RSU1: variants seen among roughly 807,000 people sequenced by gnomAD.
The protein encoded by RSU1 is rsu-1.
A neutral mutation model predicts 31.1 loss-of-function variants in RSU1; 26 were observed. That is an observed-to-expected ratio of 0.84 (90% CI 0.61 to 1.16). The LOEUF (loss-of-function observed/expected upper bound fraction) is 1.16. Ranked by LOEUF, RSU1 falls within the 50% of genes most tolerant of loss-of-function variation. The pLI is 0.00. For synonymous variants in RSU1, 164 were observed against 136.3 expected (o/e 1.20, Z -1.41); for missense variants, 320 against 339.1 (o/e 0.94, Z 0.44).
In RSU1 at chr10:16,757,012, TGGTGTGTGTGTACGC is replaced by T. The variant is rs1419321412; in HGVS notation, c.282-2038_282-2024del. On this transcript the variant is annotated intron_variant, in intron 4 of 8. Transcript: ENST00000345264. ...GTATAGGGTGTGTTTGGGGGTGTGG[TGGTGTGTGTGTACGC>T]AGTGTGTGTGTGGTGTGTGTGTGGG... Among the ~76,000 whole-genome samples, 51 of 146,206 alleles carry T rather than the reference TGGTGTGTGTGTACGC, an allele frequency of 3.5e-4. 3 individuals are homozygous for T. The highest frequency in any genetic ancestry group is 3.3e-4 in the Non-Finnish European group (22 of 66,152).
intron 4 of RSU1, among the ~76,000 whole-genome samples, chr10:16,757,241 A>AT (rs1011877760): frequency 2.6e-5 from 4 of 152,036 alleles, no homozygotes; most frequent in African/African-American, 9.7e-5. Flanking sequence ...TTAAAAGCCA[A>AT]TTTTTAAAAA....
At chr10:16,613,279 C>T (rs998451552) in intron 8 of RSU1, among the ~76,000 whole-genome samples, 42 of 152,188 alleles carry the variant, frequency 2.8e-4, no homozygotes, top group East Asian at 1.5e-3. Context: ...GTGGAATTTC[C>T]ATATGTCTCT....
intron 8 of RSU1, among the ~76,000 whole-genome samples, chr10:16,684,636 A>AAACC (rs1236965929): frequency 1.3e-5 from 2 of 152,118 alleles, no homozygotes; most frequent in African/African-American, 4.8e-5. Flanking sequence ...CCCTCAGAAA[A>AAACC]AACCAATCCT....
At chr10:16,813,227 G>A (rs1838447279) in intron 2 of RSU1, among the ~76,000 whole-genome samples, 1 of 152,148 alleles carries the variant, frequency 6.6e-6, no homozygotes, top group Non-Finnish European at 1.5e-5. Context: ...TACATGCCAT[G>A]TTAAAACAAA....
At chr10:16,615,115 G>T (rs1055171330) in intron 8 of RSU1, among the ~76,000 whole-genome samples, 1 of 151,902 alleles carries the variant, frequency 6.6e-6, no homozygotes, top group Non-Finnish European at 1.5e-5. Context: ...AAGACCCATT[G>T]GTGTGCTGTA....
At chr10:16,750,769 G>A (rs1179567784) in intron 7 of RSU1, among the ~76,000 whole-genome samples, 1 of 152,066 alleles carries the variant, frequency 6.6e-6, no homozygotes. Context: ...GATTTAGTAG[G>A]TTGGGGAGGG....
At chr10:16,755,622 A>G (rs1400989354) in intron 4 of RSU1, among the ~76,000 whole-genome samples, 2 of 151,454 alleles carry the variant, frequency 1.3e-5, no homozygotes, top group Admixed American at 1.3e-4. Context: ...CTTAAAATTC[A>G]CTCTCTTAGC....
At chr10:16,674,778 T>C (rs547161232) in intron 8 of RSU1, among the ~76,000 whole-genome samples, 115 of 152,274 alleles carry the variant, frequency 7.6e-4, no homozygotes, top group African/African-American at 2.7e-3. Context: ...GAAGCTGTAA[T>C]CCCAGCACTG....
At chr10:16,649,945 T>C (rs776377756) in intron 8 of RSU1, among the ~76,000 whole-genome samples, 60 of 152,322 alleles carry the variant, frequency 3.9e-4, no homozygotes, top group East Asian at 1.9e-4. Context: ...AAACACATCT[T>C]GCCATCTAAA....
Position 16,765,620 on chromosome 10 carries a change from C to G in RSU1, c.161-1110G>C, listed in dbSNP as rs1017628466. On this transcript the variant is annotated intron_variant, in intron 3 of 8. Coordinates refer to ENST00000345264, the MANE Select transcript of RSU1 (RefSeq NM_012425.4). ...GGAGTTTCCATAGACTGTAATTCAT[C>G]TATCCCACTTGCTATTCAGTCTTTC... Among the ~76,000 whole-genome samples the G allele has an allele frequency of 1.8e-4, 28 of 152,358 alleles. 2 individuals are homozygous for G. The highest frequency in any genetic ancestry group is 1.2e-3 in the Admixed American group (18 of 15,304).
chr10:16,694,767 G>A (rs554155208), intron 8 of RSU1, among the ~76,000 whole-genome samples: 3 of 151,918 alleles, frequency 2.0e-5, no homozygotes, highest in Admixed American at 6.5e-5. Context: ...TGTAGAGACG[G>A]GGTCTTGCTA....
rs533541661 is a variant in RSU1 at position 16,799,819 on chromosome 10, T to C, written c.109+17154A>G. Among the ~76,000 whole-genome samples, 3 of 152,208 alleles carry C rather than the reference T, an allele frequency of 2.0e-5. No individual in the cohort carries two copies. The East Asian group carries it at 5.8e-4, about 29-fold the overall frequency. On this transcript the variant is annotated intron_variant, in intron 2 of 8. Transcript: ENST00000345264. ...ACTCCAGCCCGCTCACACCTTCCTGTCTCAATTTGGTAGCCGGGGGCGGGG... is the reference window on the plus strand; with the variant it reads ...ACTCCAGCCCGCTCACACCTTCCTGCCTCAATTTGGTAGCCGGGGGCGGGG...
At chr10:16,653,809 G>A (rs1834726423) in intron 8 of RSU1, among the ~76,000 whole-genome samples, 1 of 152,024 alleles carries the variant, frequency 6.6e-6, no homozygotes, top group African/African-American at 2.4e-5. Flanking sequence ...TCTAGAAATG[G>A]TACGAAAATT....
chr10:16,814,416 C>T (rs2131282539), intron 2 of RSU1, among the ~76,000 whole-genome samples: 1 of 148,086 alleles, frequency 6.8e-6, no homozygotes, highest in South Asian at 2.1e-4. Context: ...CCACTGCATT[C>T]CAGCCTGGGT....
At chr10:16,727,672 G>C (rs1158651217) in intron 7 of RSU1, among the ~76,000 whole-genome samples, 2 of 152,184 alleles carry the variant, frequency 1.3e-5, no homozygotes, top group African/African-American at 4.8e-5. Flanking sequence ...CTCCAGTGAT[G>C]ACATGAGTAA....
At chr10:16,655,170 T>C (rs1047673114) in intron 8 of RSU1, among the ~76,000 whole-genome samples, 9 of 152,124 alleles carry the variant, frequency 5.9e-5, no homozygotes, top group African/African-American at 2.2e-4. Context: ...AAAATATCAC[T>C]TGCTTCAATT....
In RSU1 at chr10:16,764,492, G is replaced by C; in HGVS notation, c.179C>G (p.Ala60Gly). 1.2e-6 allele frequency: 2 copies of C among 1,613,604 alleles called. No homozygotes were observed. The highest frequency in any genetic ancestry group is 2.2e-5 in the South Asian group (2 of 90,992). ...GAGCACCTCCAAATTCTTCAGTTCT[G>C]CGATGTTCGGTGGCACCACTATGGA... ...NKLTMVPPNI[A>G]ELKNLEVLNF... Residue 60 changes from alanine (A) to glycine (G), a missense_variant, in exon 4 of 9, where the codon GCA becomes GGA. Transcript: ENST00000345264.
chr10:16,683,834 C>A (rs1379372511), intron 8 of RSU1, among the ~76,000 whole-genome samples: 2 of 152,178 alleles, frequency 1.3e-5, no homozygotes, highest in Admixed American at 1.3e-4. Context: ...GGCGGTTCAA[C>A]AATTCAACTT....
Position 16,716,369 on chromosome 10 carries a change from T to C in RSU1, c.599-21214A>G, listed in dbSNP as rs117280330. 4.3e-3 allele frequency among the ~76,000 whole-genome samples: 652 copies of C among 152,242 alleles called. 8 individuals are homozygous for C. The highest frequency in any genetic ancestry group is 0.017 in the Middle Eastern group (5 of 294). On this transcript the variant is annotated intron_variant, in intron 7 of 8. Coordinates refer to ENST00000345264, the MANE Select transcript of RSU1 (RefSeq NM_012425.4). ...CTTTATTTTTAAGAGTAGAAACGTCTACACTATTGCAGAGAAAAAGCCATG... is the reference window on the plus strand; with the variant it reads ...CTTTATTTTTAAGAGTAGAAACGTCCACACTATTGCAGAGAAAAAGCCATG...
Sources: allele counts gnomAD v4.1 joint callset (sites outside exome capture counted in the v4.1 genomes callset), GRCh38; gene constraint gnomAD v4.1.1; transcripts MANE v1.5; gene names NCBI Gene and HGNC (gene_info 2026-07-23, HGNC 2026-07-21).